Variants in SYDE2 observed in about 807,000 individuals in gnomAD.
The protein encoded by SYDE2 is rho GTPase-activating protein SYDE2.
A neutral mutation model predicts 91.5 loss-of-function variants in SYDE2; 76 were observed. The observed-to-expected ratio is 0.83, with a 90% confidence interval of 0.69 to 1.01. SYDE2 has a LOEUF of 1.01. Among genes scored for constraint, SYDE2 ranks in the 50% least tolerant of loss-of-function variants. The pLI, the probability that SYDE2 is intolerant of heterozygous loss-of-function variation, is 0.00. For synonymous variants in SYDE2, 513 were observed against 506.4 expected (o/e 1.01, Z -0.18); for missense variants, 1,364 against 1,367.7 (o/e 1.00, Z 0.04).
At chr1:85,196,649 T>A (rs1482040339) in intron 1 of SYDE2, among the ~76,000 whole-genome samples, 1 of 148,124 alleles carries the variant, frequency 6.8e-6, no homozygotes, top group African/African-American at 2.5e-5. Context: ...AGCACCACAA[T>A]AGCAGAATCT....
chr1:85,191,780 T>C (rs1658379573), intron 1 of SYDE2, among the ~76,000 whole-genome samples: 1 of 148,528 alleles, frequency 6.7e-6, no homozygotes, highest in Non-Finnish European at 1.5e-5. Context: ...AAAAAATTAA[T>C]AGTCCAATGG....
At position 85,158,471 on chromosome 1, in the gene SYDE2, C is replaced by A; in HGVS notation, c.*279G>T. ...TGAGGGGCTAATAACTTATGTGAAC[C>A]TTCTTAAGTGCATTTGAAAGTTATC... On this transcript the variant is annotated 3_prime_UTR_variant, in exon 7 of 7. Transcript: ENST00000341460. 3.2e-6 allele frequency: 1 copy of A among 308,424 alleles called. No individual in the cohort carries two copies. The allele number at this position is 308,424 out of a possible 1,614,324, so 19.1% of individuals were successfully genotyped here. A position where few individuals can be genotyped will look rare whatever the true frequency, so the allele number is the denominator to read the frequency against.
intron 2 of SYDE2, among the ~76,000 whole-genome samples, chr1:85,185,974 A>G (rs1165504745): frequency 2.6e-5 from 4 of 152,288 alleles, no homozygotes; most frequent in Admixed American, 2.6e-4. Flanking sequence ...CGTCCCATCA[A>G]TACCTAATTT....
downstream of SYDE2, among the ~76,000 whole-genome samples, chr1:85,155,022 A>AAG (rs1553169511): frequency 3.3e-5 from 5 of 149,556 alleles, no homozygotes; most frequent in South Asian, 4.2e-4. Flanking sequence ...AAAAAAAAAA[A>AAG]AAAGAAAAGA....
intron 6 of SYDE2, chr1:85,160,437 T>C: frequency 2.2e-6 from 2 of 904,364 alleles, no homozygotes; most frequent in Non-Finnish European, 2.6e-6. Context: ...TAAAGATGGT[T>C]ATTATGTATC....
At chr1:85,185,412 G>A (rs1049130588) in intron 2 of SYDE2, among the ~76,000 whole-genome samples, 20 of 151,400 alleles carry the variant, frequency 1.3e-4, no homozygotes, top group Admixed American at 3.9e-4. Context: ...AAAAGTTTAC[G>A]ATATTGATTC....
chr1:85,189,984 AT>A, intron 2 of SYDE2, 72 bp downstream of exon 2: 1 of 1,120,426 alleles, frequency 8.9e-7, no homozygotes, highest in Non-Finnish European at 1.3e-6. Context: ...CATCTTTTAT[AT>A]TTAGTTTTAG....
At chr1:85,167,949 A>T (rs817426) in intron 5 of SYDE2, among the ~76,000 whole-genome samples, 34,265 of 151,760 alleles carry the variant, frequency 0.23, 4,783 homozygotes, top group African/African-American at 0.39. Context: ...CCCCGTCTCT[A>T]CTGAAAATAC....
chr1:85,172,911 A>C (rs1657554459), intron 4 of SYDE2, among the ~76,000 whole-genome samples: 1 of 152,196 alleles, frequency 6.6e-6, no homozygotes, highest in Non-Finnish European at 1.5e-5. Flanking sequence ...AGGCTGGAGA[A>C]AGAACCAGCC....
intron 5 of SYDE2, among the ~76,000 whole-genome samples, chr1:85,168,197 C>T (rs893787683): frequency 2.6e-5 from 4 of 152,002 alleles, no homozygotes; most frequent in African/African-American, 9.7e-5. Flanking sequence ...CTTCACCCCA[C>T]CCTTGTGCTT....
chr1:85,165,221 G>C (rs150149321), intron 5 of SYDE2, among the ~76,000 whole-genome samples: 1 of 152,088 alleles, frequency 6.6e-6, no homozygotes, highest in Non-Finnish European at 1.5e-5. Flanking sequence ...GTGGCTGAAC[G>C]AGACCCTGTC....
At position 85,190,397 on chromosome 1, in the gene SYDE2, TTCA is replaced by T; in HGVS notation, c.1098_1100del (p.Asp366del). On this transcript the variant is annotated inframe_deletion, in exon 2 of 7. Transcript: ENST00000341460. ...GAATGGGATTGTACCATATTTCTCC[TTCA>T]TCATCTGCATCATTTTCCTCATTAA... The T allele has an allele frequency of 6.2e-7, 1 of 1,613,882 alleles. No individual in the cohort carries two copies. The highest frequency in any genetic ancestry group is 1.1e-5 in the South Asian group (1 of 91,060).
chr1:85,156,064 A>G (rs77768743), downstream of SYDE2, among the ~76,000 whole-genome samples: 1,237 of 152,352 alleles, frequency 8.1e-3, 13 homozygotes, highest in African/African-American at 0.028. Context: ...ACTGTTTATC[A>G]TTCATAGAAT....
In SYDE2 at chr1:85,200,478, G is replaced by A. The variant is rs1476501243; in HGVS notation, c.519C>T (p.Asp173=). 6.2e-7 allele frequency: 1 copy of A among 1,613,744 alleles called. No homozygotes were observed. The highest frequency in any genetic ancestry group is 1.7e-5 in the Admixed American group (1 of 60,010). Residue 173 remains aspartate, a synonymous_variant, in exon 1 of 7, where the codon GAC becomes GAT. Coordinates refer to ENST00000341460, the MANE Select transcript of SYDE2 (RefSeq NM_032184.2). Reference sequence around the variant, plus strand: ...TGAGGAAGGAGGGGCCTTCCTGGCGGTCTCCTTTGCCACTGCGTATCACAG... The same window carrying A: ...TGAGGAAGGAGGGGCCTTCCTGGCGATCTCCTTTGCCACTGCGTATCACAG... The part of the protein sequence containing the change: ...GSSVIRSGKG[D]RQEGPSFLRP...
intron 6 of SYDE2, chr1:85,159,840 A>G: frequency 1.0e-6 from 1 of 981,448 alleles, no homozygotes; most frequent in Non-Finnish European, 1.2e-6. Context: ...TTGATTATAC[A>G]GCATTATCTA....
intron 6 of SYDE2, 29 bp from the exon 7 acceptor site, chr1:85,159,278 T>C (rs1656978000): frequency 1.3e-6 from 1 of 769,662 alleles, no homozygotes; most frequent in Non-Finnish European, 2.4e-6. Context: ...TTTGCTTTAG[T>C]GACAGTAATC....
chr1:85,167,983 G>A (rs772729236), intron 5 of SYDE2, among the ~76,000 whole-genome samples: 11 of 151,934 alleles, frequency 7.2e-5, no homozygotes, highest in East Asian at 1.9e-4. Context: ...GCATGGTGGC[G>A]CCCACCTGTA....
chr1:85,158,767 G>T lies in SYDE2; in HGVS notation c.3568C>A (p.Leu1190Ile). The T allele has an allele frequency of 1.3e-6, 1 of 744,034 alleles. No individual in the cohort carries two copies. The highest frequency in any genetic ancestry group is 2.5e-6 in the Non-Finnish European group (1 of 405,626). The allele number at this position is 744,034 out of a possible 1,614,324, so 46.1% of individuals were successfully genotyped here. The change falls in exon 7 of 7, where the codon CTT becomes ATT. Residue 1190 changes from leucine (L) to isoleucine (I), a missense_variant. Coordinates refer to ENST00000341460, the MANE Select transcript of SYDE2 (RefSeq NM_032184.2). ...NLERELNKNK[L>I]NMSF ...CCTCAATCTCAAAAACTCATATTAA[G>T]CTTGTTTTTGTTGAGCTCACGTTCC... is the stretch of plus-strand genomic sequence containing the variant.
chr1:85,200,880 G>T lies in SYDE2; in HGVS notation c.117C>A (p.Tyr39Ter). The T allele has an allele frequency of 7.5e-7, 1 of 1,342,180 alleles. No individual in the cohort carries two copies. The highest frequency in any genetic ancestry group is 9.5e-7 in the Non-Finnish European group (1 of 1,056,650). 83.1% of individuals were successfully genotyped at this position (1,342,180 alleles called of 1,614,324 possible). A position where few individuals can be genotyped will look rare whatever the true frequency, so the allele number is the denominator to read the frequency against. The change falls in exon 1 of 7, where the codon TAC (tyrosine) becomes TAA (stop). Residue 39 changes from tyrosine to a stop codon, truncating the protein, a stop_gained. Transcript: ENST00000341460. LOFTEE classifies it high-confidence loss of function. The part of the protein sequence containing the change: ...PGQPPSRGAA[Y>*]RRACPRDGER... ...CCCCGTCCCGGGGGCAGGCTCGGCG[G>T]TACGCGGCGCCGCGGGAAGGCGGCT...
Sources: allele counts gnomAD v4.1 joint callset (sites outside exome capture counted in the v4.1 genomes callset), GRCh38; gene constraint gnomAD v4.1.1; transcripts MANE v1.5; gene names NCBI Gene and HGNC (gene_info 2026-07-23, HGNC 2026-07-21).